Variants in TUSC3 observed in about 807,000 individuals in gnomAD.
The protein encoded by TUSC3 is tumor suppressor candidate 3, also known as dolichyl-diphosphooligosaccharide--protein glycosyltransferase subunit TUSC3.
A neutral mutation model predicts 44.8 loss-of-function variants in TUSC3; 45 were observed. That is an observed-to-expected ratio of 1.00 (90% CI 0.79 to 1.29). The LOEUF (loss-of-function observed/expected upper bound fraction) is 1.29. TUSC3 is among the 50% of genes most tolerant of loss of function. The probability of loss-of-function intolerance (pLI) is 0.00; values close to 1 mark genes in which losing one functional copy is unlikely to be tolerated. For synonymous variants in TUSC3, 212 were observed against 152.9 expected (o/e 1.39, Z -2.85); for missense variants, 519 against 437.9 (o/e 1.19, Z -1.65).
intron 1 of TUSC3, among the ~76,000 whole-genome samples, chr8:15,480,268 G>T (rs188219911): frequency 1.3e-5 from 2 of 152,300 alleles, no homozygotes; most frequent in East Asian, 1.9e-4. Flanking sequence ...AAAGTAATTT[G>T]TAGATCATAT....
At chr8:15,798,135 C>T in the TUSC3 span, among the ~76,000 whole-genome samples, 1 of 152,226 alleles carries the variant, frequency 6.6e-6, no homozygotes, top group Non-Finnish European at 1.5e-5. Context: ...AACATTGCCT[C>T]TGGCAATATG....
intron 1 of TUSC3, among the ~76,000 whole-genome samples, chr8:15,477,784 T>C (rs1175424812): frequency 6.6e-6 from 1 of 152,184 alleles, no homozygotes; most frequent in East Asian, 1.9e-4. Flanking sequence ...AGTGTTTTCA[T>C]ATAAGCTGTC....
chr8:15,563,517 C>G (rs995719160), intron 1 of TUSC3, among the ~76,000 whole-genome samples: 5 of 151,830 alleles, frequency 3.3e-5, no homozygotes, highest in East Asian at 1.9e-4. Flanking sequence ...GAAACCCTGT[C>G]TCTGCTAAAA....
At chr8:15,489,844 A>G (rs147310008) in intron 2 of TUSC3, among the ~76,000 whole-genome samples, 1 of 152,340 alleles carries the variant, frequency 6.6e-6, no homozygotes, top group East Asian at 1.9e-4. Flanking sequence ...GATGGGGTCC[A>G]TTCAGTCCCT....
chr8:15,672,859 G>A (rs949415457), intron 5 of TUSC3, among the ~76,000 whole-genome samples: 1 of 151,998 alleles, frequency 6.6e-6, no homozygotes, highest in Non-Finnish European at 1.5e-5. Context: ...TGTCTTTGGT[G>A]TTTTTGGTGT....
At chr8:15,434,505 A>G (rs549553918) in intron 1 of TUSC3, among the ~76,000 whole-genome samples, 8 of 145,726 alleles carry the variant, frequency 5.5e-5, no homozygotes, top group Admixed American at 1.4e-4. Flanking sequence ...GAAATATTCT[A>G]TGTGCTCAAA....
At chr8:15,674,729 C>G (rs1176904561) in intron 6 of TUSC3, among the ~76,000 whole-genome samples, 1 of 151,912 alleles carries the variant, frequency 6.6e-6, no homozygotes, top group Non-Finnish European at 1.5e-5. Flanking sequence ...TAAAGCTAGC[C>G]TCTTTGAATA....
intron 1 of TUSC3, among the ~76,000 whole-genome samples, chr8:15,570,565 G>C (rs973503682): frequency 6.6e-6 from 1 of 152,014 alleles, no homozygotes; most frequent in African/African-American, 2.4e-5. Flanking sequence ...TTTATATTTT[G>C]TTGTTACATT....
At chr8:15,523,924 C>T (rs570561784) in intron 2 of TUSC3, among the ~76,000 whole-genome samples, 13 of 151,222 alleles carry the variant, frequency 8.6e-5, no homozygotes, top group African/African-American at 2.7e-4. Context: ...GGGGTGGTGG[C>T]GCGCACCTGT....
At position 15,705,067 on chromosome 8, in the gene TUSC3, G is replaced by A. The variant is rs576239922; in HGVS notation, c.799-25599G>A. On this transcript the variant is annotated intron_variant, in intron 6 of 10. Coordinates refer to ENST00000503731, the MANE Select transcript of TUSC3 (RefSeq NM_006765.4). ...TTAGGGTATTATTATTTATGTCTTT[G>A]TATTTTCATGACCCATTTCTTCAAA... 3.3e-5 allele frequency among the ~76,000 whole-genome samples: 5 copies of A among 149,522 alleles called. No individual in the cohort carries two copies. In the East Asian group the frequency reaches 9.9e-4, roughly 30 times the overall value.
intron 2 of TUSC3, among the ~76,000 whole-genome samples, chr8:15,516,265 A>G (rs1801214974): frequency 6.6e-6 from 1 of 152,198 alleles, no homozygotes; most frequent in African/African-American, 2.4e-5. Flanking sequence ...ACAATTACAG[A>G]GGAATGCATT....
chr8:15,825,885 CTTTTTTT>C, the TUSC3 span, among the ~76,000 whole-genome samples: 1 of 120,380 alleles, frequency 8.3e-6, no homozygotes, highest in Non-Finnish European at 1.8e-5. Context: ...ACAGTTGTTT[CTTTTTTT>C]TTTTTTTTTT....
chr8:15,607,146 G>A (rs1804565795), intron 1 of TUSC3, among the ~76,000 whole-genome samples: 1 of 152,020 alleles, frequency 6.6e-6, no homozygotes, highest in Non-Finnish European at 1.5e-5. Flanking sequence ...AATGGTTGGG[G>A]GAGAGCGTCT....
chr8:15,671,791 TTAAATA>T (rs1225412247), intron 5 of TUSC3, among the ~76,000 whole-genome samples: 8 of 152,090 alleles, frequency 5.3e-5, no homozygotes, highest in Non-Finnish European at 8.8e-5. Flanking sequence ...AAATTAGTTC[TTAAATA>T]TATAGTAAGC....
chr8:15,821,991 T>C, the TUSC3 span, among the ~76,000 whole-genome samples: 14 of 152,168 alleles, frequency 9.2e-5, no homozygotes, highest in Non-Finnish European at 8.8e-5. Flanking sequence ...GATGATGATT[T>C]GATAAGGCTG....
At chr8:15,590,283 G>A (rs17121677) in intron 1 of TUSC3, among the ~76,000 whole-genome samples, 3,148 of 152,246 alleles carry the variant, frequency 0.021, 96 homozygotes, top group African/African-American at 0.07. Flanking sequence ...GAATTCCAGA[G>A]TATCTCCAGA....
the TUSC3 span, among the ~76,000 whole-genome samples, chr8:15,819,529 A>ACTGTCCCCCTGACTT: frequency 8.5e-5 from 13 of 152,176 alleles, no homozygotes; most frequent in Non-Finnish European, 1.5e-4. Flanking sequence ...TGTCTACTAG[A>ACTGTCCCCCTGACTT]CTGTCCCCCT....
intron 1 of TUSC3, among the ~76,000 whole-genome samples, chr8:15,551,161 A>G (rs1488009839): frequency 1.3e-5 from 2 of 151,708 alleles, no homozygotes; most frequent in African/African-American, 4.8e-5. Context: ...GTTTCCCATT[A>G]GTTCTCTGAA....
At chr8:15,824,723 C>T in the TUSC3 span, among the ~76,000 whole-genome samples, 2 of 152,150 alleles carry the variant, frequency 1.3e-5, no homozygotes, top group East Asian at 3.9e-4. Flanking sequence ...GCACGTTGTG[C>T]ACATGTACCC....
Sources: gnomAD v4.1 joint callset for allele counts (sites outside exome capture counted in the v4.1 genomes callset) on GRCh38, gnomAD v4.1.1 for gene constraint, MANE v1.5 for transcripts, NCBI Gene and HGNC (gene_info 2026-07-23, HGNC 2026-07-21) for gene names.